The following RRP1B variants were observed in gnomAD, a reference collection of about 807,000 sequenced individuals.
RRP1B encodes the protein ribosomal RNA processing 1B, also known as ribosomal RNA processing protein 1 homolog B.
A neutral mutation model predicts 80.2 loss-of-function variants in RRP1B; 56 were observed. The observed-to-expected ratio is 0.70, with a 90% CI of 0.56 to 0.87. The LOEUF is 0.87. RRP1B is among the 40% of genes least tolerant of loss of function. RRP1B has a pLI of 0.00. For synonymous variants in RRP1B, 351 were observed against 357.6 expected, an observed-to-expected ratio of 0.98 and a Z score of 0.21; for missense variants, 807 against 939.8, an observed-to-expected ratio of 0.86 and a Z score of 1.85.
In RRP1B at chr21:43,659,896, T is replaced by A. The variant is rs887519412; in HGVS notation, c.130+102T>A. 3.4e-5 allele frequency: 43 copies of A among 1,254,680 alleles called. No individual in the cohort carries two copies. Among genetic ancestry groups the A allele is most frequent in the Non-Finnish European group, 4.5e-5 (43 of 964,860 alleles). The allele number at this position is 1,254,680 out of a possible 1,614,324, so 77.7% of individuals were successfully genotyped here. A position where few individuals can be genotyped will look rare whatever the true frequency, so the allele number is the denominator to read the frequency against. On this transcript the variant is annotated intron_variant, in intron 1 of 15. Coordinates refer to ENST00000340648, the MANE Select transcript of RRP1B (RefSeq NM_015056.3). This position sits in a 1 kb window ranked among gnomAD's most constrained non-coding sequence, Gnocchi z 4.2. ...CACGGAATGCGGCTTCCACGTGTTG[T>A]CGTGACACCCAGCGTGTGCTTCGGT...
chr21:43,675,207 C>T (rs770321023), intron 6 of RRP1B, 44 bp downstream of exon 6: 7 of 1,598,812 alleles, frequency 4.4e-6, no homozygotes, highest in Non-Finnish European at 5.1e-6. Flanking sequence ...AGGGGGCCGC[C>T]AGTGTTCGCA....
At chr21:43,685,832 A>G in intron 11 of RRP1B, 43 bp downstream of exon 11, 1 of 1,583,936 alleles carries the variant, frequency 6.3e-7, no homozygotes, top group Non-Finnish European at 8.6e-7. Context: ...TTTTTCGTGA[A>G]TATGGACCCC....
chr21:43,688,257 C>A lies in RRP1B; in HGVS notation c.1866+17C>A. ...CAGGCTCTGGTAAGGTGGGAGCACC[C>A]ACAGGCCAGCTCGCCACAGAGGCAC... is the stretch of plus-strand genomic sequence containing the variant. On this transcript the variant is annotated intron_variant, in intron 13 of 15. Transcript: ENST00000340648. The A allele has an allele frequency of 6.6e-7, 1 of 1,512,962 alleles. No individual in the cohort carries two copies. Among genetic ancestry groups the A allele is most frequent in the East Asian group, 2.4e-5 (1 of 41,432 alleles). 93.7% of individuals were successfully genotyped at this position (1,512,962 alleles called of 1,614,324 possible).
At chr21:43,688,895 T>C (rs1383182231) in intron 13 of RRP1B, among the ~76,000 whole-genome samples, 1 of 152,212 alleles carries the variant, frequency 6.6e-6, no homozygotes, top group Non-Finnish European at 1.5e-5. Flanking sequence ...GTTCAAGCGA[T>C]TCTTCTGCCT....
At chr21:43,674,469 T>G (rs536908484) in intron 4 of RRP1B, among the ~76,000 whole-genome samples, 167 bp from the exon 5 acceptor site, 1 of 152,288 alleles carries the variant, frequency 6.6e-6, no homozygotes, top group African/African-American at 2.4e-5. Flanking sequence ...GAATATGTTT[T>G]TTGATCTAGA....
chr21:43,693,540 C>G lies in RRP1B; in HGVS notation c.*157C>G, dbSNP rs2083095433. 1.6e-6 allele frequency: 1 copy of G among 634,754 alleles called. No individual in the cohort carries two copies. The highest frequency in any genetic ancestry group is 2.5e-6 in the Non-Finnish European group (1 of 400,052). 39.3% of individuals were successfully genotyped at this position (634,754 alleles called of 1,614,324 possible). A position where few individuals can be genotyped will look rare whatever the true frequency, so the allele number is the denominator to read the frequency against. On this transcript the variant is annotated 3_prime_UTR_variant, in exon 16 of 16. Transcript: ENST00000340648. The surrounding 1 kb of genome is among the most constrained non-coding windows in gnomAD (Gnocchi z 4.1). ...CCCGCAGGCTGCTGCGTCCTGGCCC[C>G]TCTGTAGTGGCTGCGGGCGTCTTGG...
chr21:43,667,866 AT>A (rs1277962859), intron 1 of RRP1B, among the ~76,000 whole-genome samples: 1 of 152,220 alleles, frequency 6.6e-6, no homozygotes, highest in Non-Finnish European at 1.5e-5. Flanking sequence ...AACTAGTTTT[AT>A]GTTAGTTCCT....
intron 3 of RRP1B, 40 bp downstream of exon 3, chr21:43,672,405 C>T (rs752139500): frequency 3.2e-6 from 5 of 1,556,528 alleles, no homozygotes; most frequent in South Asian, 2.2e-5. Context: ...CCAAGTTTTC[C>T]GACTTGCTAG....
chr21:43,669,227 A>ACCTGGTG (rs1232395731), intron 1 of RRP1B, among the ~76,000 whole-genome samples: 2 of 151,736 alleles, frequency 1.3e-5, no homozygotes, highest in Non-Finnish European at 2.9e-5. Flanking sequence ...GACAAAGCCA[A>ACCTGGTG]CCTGGTGATG....
chr21:43,674,998 A>G (rs985480089), intron 5 of RRP1B, 36 bp from the exon 6 acceptor site: 3 of 1,611,368 alleles, frequency 1.9e-6, no homozygotes, highest in Admixed American at 3.3e-5. Context: ...GTGTTGGCAT[A>G]CTGTCATTCA....
intron 9 of RRP1B, among the ~76,000 whole-genome samples, chr21:43,683,636 G>A (rs1488241969): frequency 6.6e-6 from 1 of 152,164 alleles, no homozygotes; most frequent in Non-Finnish European, 1.5e-5. Context: ...GCCAGCTCTA[G>A]TGGCACTTTT....
At chr21:43,677,830 C>A (rs1315542797) in intron 8 of RRP1B, among the ~76,000 whole-genome samples, 3 of 152,172 alleles carry the variant, frequency 2.0e-5, no homozygotes, top group African/African-American at 7.2e-5. Flanking sequence ...GCTGTGGATA[C>A]CATTATTTCA....
rs1382585146 is a variant in RRP1B, at chr21:43,682,324, A to AT, written c.797-954dup. Among the ~76,000 whole-genome samples the AT allele has an allele frequency of 1.1e-4, 16 of 152,164 alleles. No homozygotes were observed. The East Asian group carries it at 2.9e-3, about 28-fold the overall frequency. On this transcript the variant is annotated intron_variant, in intron 8 of 15. Transcript: ENST00000340648. Reference sequence around the variant, plus strand: ...ATGAAACGTGTGCTGCGCCTGCCCCATCCTCCCCAGGCCTTGCCCTGATGT... The same window carrying AT: ...ATGAAACGTGTGCTGCGCCTGCCCCATTCCTCCCCAGGCCTTGCCCTGATGT...
chr21:43,678,781 C>T (rs1412286221), intron 8 of RRP1B, among the ~76,000 whole-genome samples: 2 of 152,174 alleles, frequency 1.3e-5, no homozygotes, highest in Non-Finnish European at 2.9e-5. Context: ...AATTAAGTCA[C>T]AGCTGTTTCT....
intron 6 of RRP1B, 126 bp downstream of exon 6, chr21:43,675,289 G>A (rs2083017483): frequency 1.2e-6 from 1 of 854,578 alleles, no homozygotes; most frequent in Admixed American, 2.3e-5. Context: ...AATTGCTTCA[G>A]TCCTGTCTGG....
intron 8 of RRP1B, among the ~76,000 whole-genome samples, chr21:43,681,778 C>T (rs954054381): frequency 6.6e-6 from 1 of 152,034 alleles, no homozygotes; most frequent in African/African-American, 2.4e-5. Flanking sequence ...ATAACAAGAC[C>T]TTGACTTTAC....
In RRP1B at chr21:43,659,726, A is replaced by G; in HGVS notation, c.62A>G (p.Lys21Arg). Residue 21 changes from lysine (K) to arginine (R), a missense_variant, in exon 1 of 16, where the codon AAG becomes AGG. Coordinates refer to ENST00000340648, the MANE Select transcript of RRP1B (RefSeq NM_015056.3). The surrounding 1 kb of genome is among the most constrained non-coding windows in gnomAD (Gnocchi z 4.2). ...GCCCAGCGGCTGGCGTCCAGCGAGA[A>G]GGGCATCCGGGACCGAGCGGTGAAG... Reference protein sequence around the residue: ...QFAQRLASSEKGIRDRAVKKL... With the variant: ...QFAQRLASSERGIRDRAVKKL... The G allele has an allele frequency of 6.5e-7, 1 of 1,532,232 alleles. No homozygotes were observed. The highest frequency in any genetic ancestry group is 8.8e-7 in the Non-Finnish European group (1 of 1,138,312). The allele number at this position is 1,532,232 out of a possible 1,614,324, so 94.9% of individuals were successfully genotyped here.
rs747908513 is a variant in RRP1B, at chr21:43,687,974, G to A, written c.1600G>A (p.Gly534Ser). 1 of 1,613,188 alleles carries A rather than the reference G, an allele frequency of 6.2e-7. No homozygotes were observed. Among genetic ancestry groups the A allele is most frequent in the Admixed American group, 1.7e-5 (1 of 60,032 alleles). Residue 534 changes from glycine to serine, a missense_variant, in exon 13 of 16, where the codon GGC (glycine) becomes AGC (serine). By Grantham distance (56) the Gly-to-Ser change is moderately conservative (BLOSUM62 0). Coordinates refer to ENST00000340648, the MANE Select transcript of RRP1B (RefSeq NM_015056.3). ...KRKLGVVPVN[G>S]SGLSTPAWPP... is the part of the protein sequence containing the mutation. ...GAAACTTGGAGTTGTGCCCGTCAATGGCAGTGGCCTGTCCACGCCGGCCTG... is the reference window on the plus strand; with the variant it reads ...GAAACTTGGAGTTGTGCCCGTCAATAGCAGTGGCCTGTCCACGCCGGCCTG...
rs546210125 is a variant in RRP1B, at chr21:43,676,950, C to G, written c.796+36C>G. 1.9e-6 allele frequency: 3 copies of G among 1,592,168 alleles called. No homozygotes were observed. In the African/African-American group the frequency reaches 4.0e-5, roughly 21 times the overall value. ...GTTCTTGGTCAGTGTAGCTTTCTTT[C>G]TGCTAAAATCCTCCTCAGACAAACA... On this transcript the variant is annotated intron_variant, in intron 8 of 15. Coordinates refer to ENST00000340648, the MANE Select transcript of RRP1B (RefSeq NM_015056.3).
Sources: gnomAD v4.1 joint callset for allele counts (sites outside exome capture counted in the v4.1 genomes callset) on GRCh38, gnomAD v4.1.1 for gene constraint, Gnocchi (gnomAD v3.1) non-coding constraint, MANE v1.5 for transcripts, NCBI Gene and HGNC (gene_info 2026-07-23, HGNC 2026-07-21) for gene names.